HRH4: variants seen among roughly 807,000 people sequenced by gnomAD.
HRH4 encodes histamine receptor H4, also known as histamine H4 receptor.
A neutral mutation model predicts 10.4 loss-of-function variants in HRH4; 12 were observed. The ratio of observed to expected loss-of-function variants is 1.15; its 90% confidence interval spans 0.74 to 1.87. The LOEUF is 1.87. HRH4 is among the 40% of genes most tolerant of loss of function. The pLI is 0.00. For missense variants in HRH4, 415 were observed against 453.3 expected (o/e 0.92, Z 0.77); for synonymous variants, 154 against 166.6 (o/e 0.92, Z 0.58).
At chr18:24,468,326 G>A (rs1006750541) in intron 1 of HRH4, among the ~76,000 whole-genome samples, 2 of 152,186 alleles carry the variant, frequency 1.3e-5, no homozygotes, top group Non-Finnish European at 2.9e-5. Flanking sequence ...ACAGGCGTGA[G>A]TTACCACGCC....
chr18:24,472,784 C>T (rs959836118), intron 2 of HRH4, among the ~76,000 whole-genome samples: 1 of 152,136 alleles, frequency 6.6e-6, no homozygotes, highest in Non-Finnish European at 1.5e-5. Flanking sequence ...GTGCAGATTC[C>T]ATGTGGCTGA....
intron 1 of HRH4, among the ~76,000 whole-genome samples, chr18:24,468,070 G>GC (rs1909825305): frequency 6.6e-6 from 1 of 152,114 alleles, no homozygotes; most frequent in Non-Finnish European, 1.5e-5. Context: ...AAGTACAGTC[G>GC]CCCCTTGGTG....
intron 2 of HRH4, among the ~76,000 whole-genome samples, chr18:24,475,685 A>G (rs1365000894): frequency 1.3e-5 from 2 of 152,178 alleles, no homozygotes; most frequent in Non-Finnish European, 1.5e-5. Context: ...GCTTAATAGC[A>G]ATGTAGTATT....
chr18:24,471,921 C>T (rs968673431), intron 2 of HRH4, among the ~76,000 whole-genome samples: 1 of 152,162 alleles, frequency 6.6e-6, no homozygotes, highest in Non-Finnish European at 1.5e-5. Context: ...TGAATTTACT[C>T]TCAGGTTTGT....
chr18:24,461,310 T>A (rs1216876136), intron 1 of HRH4, among the ~76,000 whole-genome samples: 1 of 152,154 alleles, frequency 6.6e-6, no homozygotes, highest in Non-Finnish European at 1.5e-5. Context: ...TAAGAAATTA[T>A]GTATATGCTA....
chr18:24,462,210 G>A (rs1599773690), intron 1 of HRH4, among the ~76,000 whole-genome samples: 1 of 152,306 alleles, frequency 6.6e-6, no homozygotes. Context: ...GAGCTGGCTG[G>A]TGTGCAGATA....
At chr18:24,475,800 G>T (rs1470823831) in intron 2 of HRH4, among the ~76,000 whole-genome samples, 1 of 152,076 alleles carries the variant, frequency 6.6e-6, no homozygotes, top group African/African-American at 2.4e-5. Flanking sequence ...CTGAGGTCAG[G>T]AGTTTGAGAC....
rs1165608937 is a variant in HRH4, at chr18:24,478,693, G to A, written c.*1131G>A. 6.6e-6 allele frequency: 1 copy of A among 152,192 alleles called. No individual in the cohort carries two copies. The highest frequency in any genetic ancestry group is 1.5e-5 in the Non-Finnish European group (1 of 68,060). 9.4% of individuals were successfully genotyped at this position (152,192 alleles called of 1,614,324 possible). On this transcript the variant is annotated 3_prime_UTR_variant, in exon 3 of 3. Transcript: ENST00000256906. Reference sequence around the variant, plus strand: ...AAGAAAAAAAAATTTTTTTGTTTAAGACAGCATCTTGCTCTGTCTCCCAGG... The same window carrying A: ...AAGAAAAAAAAATTTTTTTGTTTAAAACAGCATCTTGCTCTGTCTCCCAGG...
chr18:24,461,370 G>T (rs1909633361), intron 1 of HRH4, among the ~76,000 whole-genome samples: 1 of 152,026 alleles, frequency 6.6e-6, no homozygotes, highest in Non-Finnish European at 1.5e-5. Flanking sequence ...TAAATAATAT[G>T]ATTAATAGTA....
chr18:24,469,033 C>G, intron 2 of HRH4, 82 bp downstream of exon 2: 1 of 1,112,784 alleles, frequency 9.0e-7, no homozygotes, highest in Non-Finnish European at 1.3e-6. Flanking sequence ...TTCTTTTAAG[C>G]CTAATTGTTA....
At chr18:24,467,247 A>T (rs1231016017) in intron 1 of HRH4, among the ~76,000 whole-genome samples, 1 of 152,240 alleles carries the variant, frequency 6.6e-6, no homozygotes, top group Non-Finnish European at 1.5e-5. Context: ...ATTAGCTGTT[A>T]CTAATTTAAG....
Position 24,477,698 on chromosome 18 carries a change from T to C in HRH4, c.*136T>C. 1.7e-6 allele frequency: 1 copy of C among 583,168 alleles called. No homozygotes were observed. The highest frequency in any genetic ancestry group is 2.6e-5 in the South Asian group (1 of 38,618). The allele number at this position is 583,168 out of a possible 1,614,324, so 36.1% of individuals were successfully genotyped here. A position where few individuals can be genotyped will look rare whatever the true frequency, so the allele number is the denominator to read the frequency against. On this transcript the variant is annotated 3_prime_UTR_variant, in exon 3 of 3. Coordinates refer to ENST00000256906, the MANE Select transcript of HRH4 (RefSeq NM_021624.4). ...AATGGTAAATTACTCCAGTGAATAA[T>C]AGCAGTATAATATGACTTGATAATA... is the stretch of plus-strand genomic sequence containing the variant.
rs756485602 is a variant in HRH4 at position 24,477,440 on chromosome 18, T to G, written c.1051T>G (p.Ser351Ala). ...RIAFWLQWFN[S>A]FVNPLLYPLC... is the part of the protein sequence containing the mutation. ...TGCATTTTGGCTTCAGTGGTTCAAT[T>G]CCTTTGTCAATCCTCTTTTGTATCC... Residue 351 changes from serine (S) to alanine (A), a missense_variant, in exon 3 of 3, where the codon TCC (serine) becomes GCC (alanine). Physicochemically the swap from Ser to Ala is moderately conservative, Grantham distance 99. Transcript: ENST00000256906. 8.7e-6 allele frequency: 14 copies of G among 1,614,048 alleles called. No individual in the cohort carries two copies. The East Asian group carries it at 3.1e-4, about 36-fold the overall frequency.
At position 24,477,417 on chromosome 18, in the gene HRH4, C is replaced by A; in HGVS notation, c.1028C>A (p.Ala343Glu). Residue 343 changes from alanine (A) to glutamate (E), a missense_variant, in exon 3 of 3, where the codon GCA becomes GAA. Coordinates refer to ENST00000256906, the MANE Select transcript of HRH4 (RefSeq NM_021624.4). The part of the protein sequence containing the change: ...TGPKSVWYRI[A>E]FWLQWFNSFV... ...CCTAAATCAGTTTGGTATAGAATTG[C>A]ATTTTGGCTTCAGTGGTTCAATTCC... is the stretch of plus-strand genomic sequence containing the variant. The A allele has an allele frequency of 6.2e-7, 1 of 1,614,150 alleles. No individual in the cohort carries two copies. Among genetic ancestry groups the A allele is most frequent in the Admixed American group, 1.7e-5 (1 of 60,022 alleles).
At chr18:24,466,285 G>GTA (rs1909773078) in intron 1 of HRH4, among the ~76,000 whole-genome samples, 1 of 49,514 alleles carries the variant, frequency 2.0e-5, no homozygotes, top group African/African-American at 7.1e-5. Context: ...GCTAATTTTT[G>GTA]TATTTTTTTT....
intron 1 of HRH4, among the ~76,000 whole-genome samples, chr18:24,463,273 G>C (rs902290696): frequency 3.9e-5 from 6 of 152,166 alleles, no homozygotes; most frequent in African/African-American, 1.4e-4. Context: ...AATTTCTTTT[G>C]CTCCTGATTA....
intron 2 of HRH4, among the ~76,000 whole-genome samples, chr18:24,471,762 A>C (rs1329103221): frequency 6.6e-6 from 1 of 152,124 alleles, no homozygotes; most frequent in East Asian, 1.9e-4. Flanking sequence ...ATTTTACTTT[A>C]GATCACAGTC....
At position 24,467,320 on chromosome 18, in the gene HRH4, T is replaced by C. The variant is rs60806670; in HGVS notation, c.194-1468T>C. 1.1e-3 allele frequency among the ~76,000 whole-genome samples: 163 copies of C among 152,322 alleles called. 2 individuals carry two copies. In the East Asian group the frequency reaches 0.029, roughly 27 times the overall value. Reference sequence around the variant, plus strand: ...AGGAAATACAAAGATTGATTTGCGATATGACCCTAATCCTCAGGAGAGACA... The same window carrying C: ...AGGAAATACAAAGATTGATTTGCGACATGACCCTAATCCTCAGGAGAGACA... On this transcript the variant is annotated intron_variant, in intron 1 of 2. Coordinates refer to ENST00000256906, the MANE Select transcript of HRH4 (RefSeq NM_021624.4).
rs117310542 is a variant in HRH4, at chr18:24,466,562, C to T, written c.194-2226C>T. Among the ~76,000 whole-genome samples, 631 of 152,200 alleles carry T rather than the reference C, an allele frequency of 4.1e-3. 3 individuals carry two copies. The highest frequency in any genetic ancestry group is 0.029 in the East Asian group (149 of 5,172). ...TTAAACTACATATAAGAACTGACCA[C>T]GCAACTCTTCATCTCTGTGGTGTCT... On this transcript the variant is annotated intron_variant, in intron 1 of 2. Transcript: ENST00000256906.
Sources: allele counts gnomAD v4.1 joint callset (sites outside exome capture counted in the v4.1 genomes callset), GRCh38; gene constraint gnomAD v4.1.1; transcripts MANE v1.5; gene names NCBI Gene and HGNC (gene_info 2026-07-23, HGNC 2026-07-21).